RFX4: variants seen among roughly 807,000 people sequenced by gnomAD.
RFX4 encodes the protein transcription factor RFX4.
A neutral mutation model predicts 95.0 loss-of-function variants in RFX4; 10 were observed. That is an observed-to-expected ratio of 0.11 (90% CI 0.06 to 0.18). The LOEUF (loss-of-function observed/expected upper bound fraction) is 0.18. Ranked by LOEUF, RFX4 falls within the 10% of genes least tolerant of loss-of-function variation. RFX4 has a pLI of 1.00. For synonymous variants in RFX4, 321 were observed against 340.7 expected (o/e 0.94, Z 0.64); for missense variants, 640 against 922.0 (o/e 0.69, Z 3.96).
At position 106,689,384 on chromosome 12, in the gene RFX4, G is replaced by C; in HGVS notation, c.669+20G>C. On this transcript the variant is annotated intron_variant, in intron 7 of 17. Coordinates refer to ENST00000392842, the MANE Select transcript of RFX4 (RefSeq NM_213594.3). The stretch of plus-strand genomic sequence containing the variant: ...GATGAGGTAGGTCAACAAGGGTTGA[G>C]CTGTGAATACTCGGTATTAAAAATC... 1 of 1,570,216 alleles carries C rather than the reference G, an allele frequency of 6.4e-7. No homozygotes were observed. Among genetic ancestry groups the C allele is most frequent in the Non-Finnish European group, 8.8e-7 (1 of 1,140,110 alleles).
At chr12:106,626,672 G>A (rs933029570) in intron 2 of RFX4, among the ~76,000 whole-genome samples, 1 of 152,152 alleles carries the variant, frequency 6.6e-6, no homozygotes, top group Admixed American at 6.5e-5. Context: ...CAAGTTTGAG[G>A]CCTTAGACTA....
intron 13 of RFX4, among the ~76,000 whole-genome samples, chr12:106,723,924 T>C (rs535370257): frequency 6.6e-6 from 1 of 152,336 alleles, no homozygotes; most frequent in Admixed American, 6.5e-5. Context: ...ATTGTTCCCA[T>C]GCTAAAGCTG....
At chr12:106,639,581 T>G (rs2040578351) in intron 3 of RFX4, among the ~76,000 whole-genome samples, 189 bp downstream of exon 3, 1 of 152,158 alleles carries the variant, frequency 6.6e-6, no homozygotes, top group Admixed American at 6.5e-5. Flanking sequence ...AGATTGGAAT[T>G]TTTGTATTTT....
At chr12:106,595,149 G>A (rs1409109791) in intron 1 of RFX4, among the ~76,000 whole-genome samples, 1 of 152,116 alleles carries the variant, frequency 6.6e-6, no homozygotes, top group Non-Finnish European at 1.5e-5. Context: ...ATTACTCCCA[G>A]TTTACAGATG....
intron 1 of RFX4, among the ~76,000 whole-genome samples, chr12:106,603,211 A>G (rs2039748595): frequency 2.0e-5 from 3 of 152,184 alleles, no homozygotes; most frequent in Non-Finnish European, 4.4e-5. Flanking sequence ...CCAGGTCAAT[A>G]TGGGTTTGTG....
intron 16 of RFX4, among the ~76,000 whole-genome samples, chr12:106,748,788 T>A (rs919188621): frequency 2.7e-5 from 4 of 149,974 alleles, no homozygotes; most frequent in African/African-American, 9.9e-5. Context: ...ATCTCCCTAC[T>A]AAAAATACAA....
chr12:106,720,774 C>A lies in RFX4; in HGVS notation c.1249C>A (p.Gln417Lys), dbSNP rs751787334. Residue 417 changes from glutamine to lysine, a missense_variant, in exon 13 of 18, where the codon CAA becomes AAA. Coordinates refer to ENST00000392842, the MANE Select transcript of RFX4 (RefSeq NM_213594.3). The surrounding 1 kb of genome is among the most constrained non-coding windows in gnomAD (Gnocchi z 4.2). ...RCVVKVAAKRQGSLKKVAQQF... is the reference protein window; with the variant it reads ...RCVVKVAAKRKGSLKKVAQQF... ...TTTCTTGTAGGTGGCTGCCAAGAGA[C>A]AAGGGTCCTTGAAGAAAGTGGCCCA... 1.2e-5 allele frequency: 19 copies of A among 1,614,000 alleles called. No homozygotes were observed. The highest frequency in any genetic ancestry group is 1.4e-5 in the Non-Finnish European group (17 of 1,180,018).
intron 8 of RFX4, among the ~76,000 whole-genome samples, chr12:106,706,095 G>A (rs959964703): frequency 6.6e-6 from 1 of 152,190 alleles, no homozygotes; most frequent in African/African-American, 2.4e-5. Flanking sequence ...TCTGAGATTA[G>A]CTAAATAACA....
intron 4 of RFX4, among the ~76,000 whole-genome samples, chr12:106,668,179 C>A (rs2137358817): frequency 6.6e-6 from 1 of 152,288 alleles, no homozygotes; most frequent in East Asian, 1.9e-4. Flanking sequence ...TTGTGCTCTG[C>A]CCTTTCTAGC....
chr12:106,740,984 A>C (rs538081513), intron 15 of RFX4, among the ~76,000 whole-genome samples: 7 of 152,318 alleles, frequency 4.6e-5, no homozygotes, highest in South Asian at 4.1e-4. Flanking sequence ...AATGTGTATA[A>C]TAAATAAGGA....
intron 4 of RFX4, among the ~76,000 whole-genome samples, chr12:106,668,941 T>C (rs550210029): frequency 2.0e-5 from 3 of 152,194 alleles, no homozygotes; most frequent in Non-Finnish European, 4.4e-5. Context: ...AATTTGAATA[T>C]GTGGAGAGGC....
At chr12:106,648,221 G>A (rs928384622) in intron 3 of RFX4, among the ~76,000 whole-genome samples, 8 of 152,184 alleles carry the variant, frequency 5.3e-5, no homozygotes, top group Non-Finnish European at 7.3e-5. Context: ...TGTGAGTTGC[G>A]CCTTGATGCG....
chr12:106,751,557 T>G (rs1346186414), intron 17 of RFX4, among the ~76,000 whole-genome samples: 3 of 147,522 alleles, frequency 2.0e-5, no homozygotes, highest in Non-Finnish European at 4.5e-5. Flanking sequence ...CCACCAACAG[T>G]GTAAAAGTGT....
chr12:106,622,139 G>A (rs973036519), intron 2 of RFX4, among the ~76,000 whole-genome samples: 1 of 151,980 alleles, frequency 6.6e-6, no homozygotes, highest in Non-Finnish European at 1.5e-5. Flanking sequence ...TCTAGAACAT[G>A]GGCCACCTGA....
chr12:106,589,798 C>T (rs936766975), intron 1 of RFX4, among the ~76,000 whole-genome samples: 1 of 152,146 alleles, frequency 6.6e-6, no homozygotes, highest in African/African-American at 2.4e-5. Flanking sequence ...AGAGAAAACC[C>T]CTCTGAAGGA....
chr12:106,629,974 C>G (rs1160120393), intron 2 of RFX4, among the ~76,000 whole-genome samples: 1 of 152,130 alleles, frequency 6.6e-6, no homozygotes, highest in African/African-American at 2.4e-5. Flanking sequence ...TGGATTTTTG[C>G]CAATCTGATA....
chr12:106,648,448 C>T (rs919987676), intron 3 of RFX4, among the ~76,000 whole-genome samples: 14 of 150,384 alleles, frequency 9.3e-5, no homozygotes, highest in African/African-American at 1.2e-4. Context: ...GAGCCGTTGA[C>T]GGGTGTAGAC....
At chr12:106,730,693 C>G (rs979029147) in intron 13 of RFX4, among the ~76,000 whole-genome samples, 1 of 152,072 alleles carries the variant, frequency 6.6e-6, no homozygotes, top group Non-Finnish European at 1.5e-5. Flanking sequence ...AAAATAATGC[C>G]AGAGAGTCCC....
At chr12:106,735,900 G>A (rs1237207239) in intron 15 of RFX4, among the ~76,000 whole-genome samples, 3 of 152,184 alleles carry the variant, frequency 2.0e-5, no homozygotes, top group Non-Finnish European at 2.9e-5. Context: ...TCCCAAGGAA[G>A]GAGAGATTCT....
Sources: gnomAD v4.1 joint callset for allele counts (sites outside exome capture counted in the v4.1 genomes callset) on GRCh38, gnomAD v4.1.1 for gene constraint, Gnocchi (gnomAD v3.1) non-coding constraint, MANE v1.5 for transcripts, NCBI Gene and HGNC (gene_info 2026-07-23, HGNC 2026-07-21) for gene names.